Variants in ZC4H2 observed in about 807,000 individuals in gnomAD.
The protein encoded by ZC4H2 is zinc finger C4H2-type containing.
For synonymous variants in ZC4H2, 84 were observed against 66.3 expected (o/e 1.27, Z -1.30); for missense variants, 137 against 173.9 (o/e 0.79, Z 1.19).
rs762082105 is a variant in ZC4H2, at chrX:64,946,195, C to A, written c.54-24207G>T. On this transcript the variant is annotated intron_variant, in intron 1 of 4. Coordinates refer to ENST00000374839, the MANE Select transcript of ZC4H2 (RefSeq NM_018684.4). ...CCTCCTCCAGCTAGCTCAGTGTCTA[C>A]CCAAACAGCCACCCAGTTTTGTGCT... is the stretch of plus-strand genomic sequence containing the variant. Among the ~76,000 whole-genome samples the A allele has an allele frequency of 9.8e-5, 11 of 111,773 alleles. No individual in the cohort carries two copies. In the Admixed American group the frequency reaches 1.0e-3, roughly 11 times the overall value.
chrX:65,014,381 C>T (rs1932783570), intron 1 of ZC4H2, among the ~76,000 whole-genome samples: 1 of 111,467 alleles, frequency 9.0e-6, no homozygotes, highest in African/African-American at 3.3e-5. Context: ...CTTTTATATA[C>T]TTAGATTCCC....
At chrX:64,929,748 C>T (rs1400831814) in intron 1 of ZC4H2, among the ~76,000 whole-genome samples, 2 of 111,618 alleles carry the variant, frequency 1.8e-5, no homozygotes, top group African/African-American at 6.5e-5. Context: ...TATACCATTA[C>T]CATGCTGTTT....
chrX:65,023,374 C>T (rs1482703518), intron 1 of ZC4H2, among the ~76,000 whole-genome samples: 1 of 111,600 alleles, frequency 9.0e-6, no homozygotes, highest in African/African-American at 3.3e-5. Flanking sequence ...ATTGTCCTGG[C>T]CAGAACTTCC....
At chrX:64,945,761 T>TC (rs952019156) in intron 1 of ZC4H2, among the ~76,000 whole-genome samples, 2 of 111,481 alleles carry the variant, frequency 1.8e-5, no homozygotes, top group East Asian at 5.7e-4. Context: ...CTGCCTTTTT[T>TC]CCCGAGACGC....
intron 1 of ZC4H2, among the ~76,000 whole-genome samples, chrX:64,931,460 C>T (rs899137508): frequency 3.0e-4 from 33 of 111,411 alleles, no homozygotes; most frequent in Non-Finnish European, 2.6e-4. Flanking sequence ...CATTTGTGCT[C>T]TTTCAGACTT....
chrX:65,031,689 G>A (rs1932935609), intron 1 of ZC4H2, among the ~76,000 whole-genome samples: 1 of 111,888 alleles, frequency 8.9e-6, no homozygotes, highest in Non-Finnish European at 1.9e-5. Context: ...CAGAGTCTCA[G>A]TCTCCAGTTT....
At chrX:65,033,846 C>T (rs1465957157) in intron 1 of ZC4H2, among the ~76,000 whole-genome samples, 3 of 111,187 alleles carry the variant, frequency 2.7e-5, no homozygotes, top group African/African-American at 9.8e-5. Flanking sequence ...CCCAGCTCTT[C>T]GGGAGGCGGA....
At chrX:64,992,272 T>C (rs1454829839) in intron 1 of ZC4H2, among the ~76,000 whole-genome samples, 1 of 111,449 alleles carries the variant, frequency 9.0e-6, no homozygotes, top group African/African-American at 3.3e-5. Flanking sequence ...TCAGAGCAAA[T>C]GAGCATTCTT....
At chrX:64,963,591 G>C (rs1252287382) in intron 1 of ZC4H2, among the ~76,000 whole-genome samples, 3 of 111,360 alleles carry the variant, frequency 2.7e-5, no homozygotes, top group Non-Finnish European at 5.7e-5. Context: ...TAGTACAAAA[G>C]CTATTAACCC....
At chrX:64,972,416 A>C (rs746488381) in intron 1 of ZC4H2, among the ~76,000 whole-genome samples, 3 of 111,698 alleles carry the variant, frequency 2.7e-5, no homozygotes, top group Non-Finnish European at 1.9e-5. Flanking sequence ...TCATTAGATG[A>C]TGCTGCTGTC....
At chrX:64,946,609 A>G (rs894354398) in intron 1 of ZC4H2, among the ~76,000 whole-genome samples, 1 of 110,160 alleles carries the variant, frequency 9.1e-6, no homozygotes, top group Admixed American at 9.7e-5. Flanking sequence ...ACACACACAC[A>G]CACACGTCTA....
chrX:64,975,578 T>A (rs1376843954), intron 1 of ZC4H2, among the ~76,000 whole-genome samples: 4 of 111,127 alleles, frequency 3.6e-5, no homozygotes. Flanking sequence ...GGCGCTATTG[T>A]GTTCTGAGCA....
At chrX:64,950,098 G>A (rs1930726991) in intron 1 of ZC4H2, among the ~76,000 whole-genome samples, 1 of 111,683 alleles carries the variant, frequency 9.0e-6, no homozygotes, top group South Asian at 3.7e-4. Flanking sequence ...CCTTCATTTC[G>A]TTATGTACTT....
At chrX:64,946,219 C>T (rs1930523537) in intron 1 of ZC4H2, among the ~76,000 whole-genome samples, 1 of 111,901 alleles carries the variant, frequency 8.9e-6, no homozygotes, top group South Asian at 3.7e-4. Flanking sequence ...CAGTTTTGTG[C>T]TTGAATCCCA....
intron 1 of ZC4H2, among the ~76,000 whole-genome samples, chrX:64,927,764 C>T (rs954251591): frequency 8.9e-6 from 1 of 112,385 alleles, no homozygotes; most frequent in African/African-American, 3.2e-5. Context: ...TAAACACATT[C>T]CTATTTCTCC....
chrX:65,009,685 T>C (rs944511514), intron 1 of ZC4H2, among the ~76,000 whole-genome samples: 1 of 112,121 alleles, frequency 8.9e-6, no homozygotes, highest in Non-Finnish European at 1.9e-5. Context: ...AAGTTCAGGG[T>C]TCTTCAGCAT....
intron 1 of ZC4H2, among the ~76,000 whole-genome samples, chrX:64,989,005 G>C (rs1381668676): frequency 8.9e-6 from 1 of 112,017 alleles, no homozygotes; most frequent in Non-Finnish European, 1.9e-5. Context: ...TTTTTGTCAA[G>C]TTTGTCAAAG....
intron 2 of ZC4H2, 78 bp downstream of exon 2, chrX:64,921,738 CA>C (rs1929203594): frequency 9.3e-7 from 1 of 1,078,171 alleles, no homozygotes. Context: ...GCCTAAGCCA[CA>C]TCTCAAGGAA....
chrX:64,978,744 A>AT (rs1252290923), upstream of ZC4H2, among the ~76,000 whole-genome samples: 18 of 110,886 alleles, frequency 1.6e-4, no homozygotes, highest in Admixed American at 4.8e-4. Flanking sequence ...TGGAAAAAAA[A>AT]AATATATATA....
Sources: gnomAD v4.1 joint callset for allele counts (sites outside exome capture counted in the v4.1 genomes callset) on GRCh38, gnomAD v4.1.1 for gene constraint, MANE v1.5 for transcripts, NCBI Gene and HGNC (gene_info 2026-07-23, HGNC 2026-07-21) for gene names.